The following SDC3 variants were observed in gnomAD, a reference collection of about 807,000 sequenced individuals.
The protein encoded by SDC3 is syndecan-3.
SDC3 carries 13 observed loss-of-function variants against 24.4 expected under a neutral mutation model. The observed-to-expected ratio is 0.53, with a 90% CI of 0.35 to 0.85. The LOEUF (loss-of-function observed/expected upper bound fraction) is 0.85. Among genes scored for constraint, SDC3 ranks in the 40% least tolerant of loss-of-function variants. SDC3 has a pLI of 0.01. For missense variants in SDC3, 571 were observed against 584.5 expected (o/e 0.98, Z 0.24); for synonymous variants, 295 against 260.9 (o/e 1.13, Z -1.26).
At chr1:30,902,751 C>T (rs1638440888) in intron 1 of SDC3, among the ~76,000 whole-genome samples, 1 of 152,180 alleles carries the variant, frequency 6.6e-6, no homozygotes, top group Non-Finnish European at 1.5e-5. Flanking sequence ...GGTGGCAGTG[C>T]CTTGGCACTC....
intron 1 of SDC3, among the ~76,000 whole-genome samples, chr1:30,883,465 A>G (rs1294891954): frequency 6.6e-6 from 1 of 152,168 alleles, no homozygotes; most frequent in African/African-American, 2.4e-5. Context: ...CTTGGATTCA[A>G]ATTCAGCTCT....
At chr1:30,893,753 G>A (rs1639941987) in intron 1 of SDC3, among the ~76,000 whole-genome samples, 1 of 152,008 alleles carries the variant, frequency 6.6e-6, no homozygotes, top group South Asian at 2.1e-4. Flanking sequence ...GAAATAAAGG[G>A]ACCCGCGTCT....
intron 1 of SDC3, among the ~76,000 whole-genome samples, chr1:30,886,776 C>T (rs928249425): frequency 8.5e-5 from 13 of 152,192 alleles, no homozygotes; most frequent in African/African-American, 2.7e-4. Context: ...ATCACAGCCC[C>T]GACGGAGGGA....
intron 1 of SDC3, among the ~76,000 whole-genome samples, chr1:30,882,448 A>T (rs1026198683): frequency 2.6e-5 from 4 of 151,812 alleles, no homozygotes; most frequent in African/African-American, 9.7e-5. Flanking sequence ...CTCACTCCAC[A>T]TCCACTCCCA....
At chr1:30,905,310 A>ACCCCAC (rs1157054033) in intron 1 of SDC3, among the ~76,000 whole-genome samples, 6 of 21,876 alleles carry the variant, frequency 2.7e-4, no homozygotes, top group South Asian at 3.6e-3. Flanking sequence ...CCCCCACCCC[A>ACCCCAC]CCCCACCCCC....
At chr1:30,905,489 G>A (rs1638502123) in intron 1 of SDC3, among the ~76,000 whole-genome samples, 1 of 151,594 alleles carries the variant, frequency 6.6e-6, no homozygotes, top group South Asian at 2.1e-4. Flanking sequence ...CCCTTAGTAG[G>A]TGCCAGCCAC....
intron 1 of SDC3, among the ~76,000 whole-genome samples, chr1:30,907,120 G>C (rs1002573989): frequency 1.3e-5 from 2 of 152,208 alleles, no homozygotes; most frequent in Non-Finnish European, 1.5e-5. Flanking sequence ...AACTTGCAGA[G>C]GGCGGCTGGG....
Position 30,880,444 on chromosome 1 carries a change from T to C in SDC3, c.139-1704A>G, listed in dbSNP as rs149802540. 6.9e-3 allele frequency among the ~76,000 whole-genome samples: 1,052 copies of C among 151,888 alleles called. 10 individuals are homozygous for C. Among genetic ancestry groups the C allele is most frequent in the African/African-American group, 0.024 (985 of 41,366 alleles). ...GGAGGCAGAGGGGAGAACTCACACA[T>C]CCTAATTTAGCCTCATGCTGATGAG... On this transcript the variant is annotated intron_variant, in intron 1 of 4. Coordinates refer to ENST00000339394, the MANE Select transcript of SDC3 (RefSeq NM_014654.4).
At chr1:30,876,397 C>T (rs559961718) in intron 3 of SDC3, among the ~76,000 whole-genome samples, 155 bp downstream of exon 3, 6 of 152,300 alleles carry the variant, frequency 3.9e-5, no homozygotes, top group East Asian at 3.9e-4. Context: ...CCTCCCTATC[C>T]GATCTCTGTC....
Position 30,869,545 on chromosome 1 carries a change from A to C in SDC3, c.*3666T>G, listed in dbSNP as rs1467495108. ...TAAAAAAACAAACAAACAAAAAAAA[A>C]AAAAAAAAAAAAAAAACAAAAACAA... On this transcript the variant is annotated 3_prime_UTR_variant, in exon 5 of 5. Transcript: ENST00000339394. 5.0e-3 allele frequency: 1,966 copies of C among 392,126 alleles called. 21 individuals are homozygous for C. Among genetic ancestry groups the C allele is most frequent in the African/African-American group, 0.022 (1,069 of 48,076 alleles). The allele number at this position is 392,126 out of a possible 1,614,324, so 24.3% of individuals were successfully genotyped here.
chr1:30,900,171 G>T (rs1322200458), intron 1 of SDC3, among the ~76,000 whole-genome samples: 4 of 152,136 alleles, frequency 2.6e-5, no homozygotes, highest in Non-Finnish European at 4.4e-5. Context: ...ACCTCTCAGG[G>T]CCTCTGTGCC....
chr1:30,901,204 G>C (rs1319864615), intron 1 of SDC3, among the ~76,000 whole-genome samples: 4 of 152,198 alleles, frequency 2.6e-5, no homozygotes, highest in African/African-American at 9.7e-5. Flanking sequence ...ACCATCTAAG[G>C]CTGGAGAGCC....
chr1:30,900,361 A>T (rs1465489708), intron 1 of SDC3, among the ~76,000 whole-genome samples: 16 of 152,124 alleles, frequency 1.1e-4, no homozygotes, highest in Non-Finnish European at 2.2e-4. Flanking sequence ...TGTCTCCCTG[A>T]CACAGGGAGC....
intron 1 of SDC3, among the ~76,000 whole-genome samples, chr1:30,882,888 TC>T (rs1289748931): frequency 6.6e-6 from 1 of 152,170 alleles, no homozygotes; most frequent in Non-Finnish European, 1.5e-5. Flanking sequence ...CTCAGTTTTC[TC>T]ATCTGTAAAA....
intron 4 of SDC3, 39 bp downstream of exon 4, chr1:30,874,258 T>C: frequency 6.5e-7 from 1 of 1,529,108 alleles, no homozygotes; most frequent in Non-Finnish European, 8.9e-7. Flanking sequence ...CACTCTGGTA[T>C]CCTCCCAGGC....
At position 30,872,204 on chromosome 1, in the gene SDC3, C is replaced by T. The variant is rs576476525; in HGVS notation, c.*1007G>A. On this transcript the variant is annotated 3_prime_UTR_variant, in exon 5 of 5. Transcript: ENST00000339394. ...GCTGATTGTTCTGGCTCGATTCCAC[C>T]CTCCCCAGTAAGCCTGAAAGCTGGA... The T allele has an allele frequency of 1.3e-5, 2 of 152,372 alleles. No individual in the cohort carries two copies. Among genetic ancestry groups the T allele is most frequent in the East Asian group, 3.9e-4 (2 of 5,178 alleles). The allele number at this position is 152,372 out of a possible 1,614,324, so 9.4% of individuals were successfully genotyped here. A position where few individuals can be genotyped will look rare whatever the true frequency, so the allele number is the denominator to read the frequency against.
intron 1 of SDC3, among the ~76,000 whole-genome samples, chr1:30,905,391 C>T (rs1638500861): frequency 8.4e-6 from 1 of 118,602 alleles, no homozygotes; most frequent in African/African-American, 3.0e-5. Context: ...ACACACACGT[C>T]TCCCACCCTT....
At chr1:30,906,345 T>C (rs1232461109) in intron 1 of SDC3, among the ~76,000 whole-genome samples, 2 of 151,628 alleles carry the variant, frequency 1.3e-5, no homozygotes, top group South Asian at 2.1e-4. Context: ...CATTTCAGCC[T>C]CTGGGCTCAG....
rs772614191 is a variant in SDC3, at chr1:30,873,270, G to A, written c.1270C>T (p.Pro424Ser). Reference sequence around the variant, plus strand: ...TGGTATGTGACGCTCGCCTGCTTGGGTTCCTCCAGCGTGTAGCTGCCCTCA... The same window carrying A: ...TGGTATGTGACGCTCGCCTGCTTGGATTCCTCCAGCGTGTAGCTGCCCTCA... The part of the protein sequence containing the change: ...KDEGSYTLEE[P>S]KQASVTYQKP... Residue 424 changes from proline to serine, a missense_variant, in exon 5 of 5, where the codon CCC becomes TCC. Physicochemically the swap from Pro to Ser is moderately conservative, Grantham distance 74. Around this residue, in one of 2 missense-constraint regions of SDC3, gnomAD observed 74 missense variants for 112.9 expected, o/e 0.66. Transcript: ENST00000339394. 5 of 1,613,470 alleles carry A rather than the reference G, an allele frequency of 3.1e-6. No individual in the cohort carries two copies. Among genetic ancestry groups the A allele is most frequent in the Admixed American group, 1.7e-5 (1 of 60,026 alleles).
Sources: gnomAD v4.1 joint callset for allele counts (sites outside exome capture counted in the v4.1 genomes callset) on GRCh38, gnomAD v4.1.1 for gene constraint, gnomAD v4.1.1 regional missense constraint, MANE v1.5 for transcripts, NCBI Gene and HGNC (gene_info 2026-07-23, HGNC 2026-07-21) for gene names.